The following TRPC4AP variants were observed in gnomAD, a reference collection of about 807,000 sequenced individuals.
TRPC4AP encodes the protein transient receptor potential cation channel subfamily C member 4 associated protein, also known as short transient receptor potential channel 4-associated protein.
In TRPC4AP, 45 loss-of-function variants were observed where a neutral mutation model predicts 99.0. That is an observed-to-expected ratio of 0.45 (90% CI 0.36 to 0.58). The LOEUF (loss-of-function observed/expected upper bound fraction) is 0.58, where lower values mean the gene tolerates loss of function less well. Among genes scored for constraint, TRPC4AP ranks in the 20% least tolerant of loss-of-function variants. The probability of loss-of-function intolerance (pLI) is 0.00; values close to 1 mark genes in which losing one functional copy is unlikely to be tolerated. For missense variants in TRPC4AP, 879 were observed against 985.3 expected (o/e 0.89, Z 1.44); for synonymous variants, 408 against 385.8 (o/e 1.06, Z -0.67).
At chr20:35,085,508 G>A (rs1375261655) in intron 1 of TRPC4AP, among the ~76,000 whole-genome samples, 2 of 151,678 alleles carry the variant, frequency 1.3e-5, no homozygotes, top group African/African-American at 4.8e-5. Flanking sequence ...AGATACTCGG[G>A]AGGCTGAGGT....
chr20:35,003,396 G>GT lies in TRPC4AP; in HGVS notation c.2256+13_2256+14insA. ...GCGGCCCACCCATCACCCCCTTGAG[G>GT]GTGGGGCACTCACGTTCTCTAGGCA... On this transcript the variant is annotated intron_variant, in intron 18 of 18. Coordinates refer to ENST00000252015, the MANE Select transcript of TRPC4AP (RefSeq NM_015638.3). 6.2e-7 allele frequency: 1 copy of GT among 1,613,814 alleles called. No individual in the cohort carries two copies. The highest frequency in any genetic ancestry group is 8.5e-7 in the Non-Finnish European group (1 of 1,179,910).
intron 2 of TRPC4AP, among the ~76,000 whole-genome samples, chr20:35,076,385 C>T (rs1218058291): frequency 6.6e-6 from 1 of 152,152 alleles, no homozygotes; most frequent in African/African-American, 2.4e-5. Context: ...TTCTCCCTAT[C>T]TTTGTGGTTT....
chr20:35,038,874 A>G (rs1323248342), intron 7 of TRPC4AP, among the ~76,000 whole-genome samples: 2 of 152,198 alleles, frequency 1.3e-5, no homozygotes, highest in African/African-American at 4.8e-5. Context: ...GGAGTTCAAG[A>G]CCAGCCTGGC....
At chr20:35,077,402 A>C (rs906480845) in intron 2 of TRPC4AP, among the ~76,000 whole-genome samples, 1 of 152,166 alleles carries the variant, frequency 6.6e-6, no homozygotes, top group Non-Finnish European at 1.5e-5. Flanking sequence ...CCGGACCCCC[A>C]CTTACATGGG....
At chr20:35,016,512 A>C (rs150036146) in intron 9 of TRPC4AP, among the ~76,000 whole-genome samples, 16 of 152,326 alleles carry the variant, frequency 1.1e-4, no homozygotes, top group Middle Eastern at 3.4e-3. Flanking sequence ...AAATTCCTTA[A>C]GATTTGTCTC....
At chr20:35,060,103 G>T (rs748861960) in intron 3 of TRPC4AP, among the ~76,000 whole-genome samples, 3 of 152,044 alleles carry the variant, frequency 2.0e-5, no homozygotes, top group Non-Finnish European at 4.4e-5. Flanking sequence ...TTTAAAGAAT[G>T]ATCAATTCTT....
chr20:35,004,359 G>A lies in TRPC4AP; in HGVS notation c.2049+99C>T, dbSNP rs562076379. The A allele has an allele frequency of 1.0e-5, 10 of 980,846 alleles. No homozygotes were observed. In the East Asian group the frequency reaches 1.6e-4, roughly 16 times the overall value. The allele number at this position is 980,846 out of a possible 1,614,324, so 60.8% of individuals were successfully genotyped here. On this transcript the variant is annotated intron_variant, in intron 17 of 18. Coordinates refer to ENST00000252015, the MANE Select transcript of TRPC4AP (RefSeq NM_015638.3). ...TCAGAAGAGCTGGGTCTCCAGAGAC[G>A]CACTTCTGGAGTGGGGGACAGAAAC...
chr20:35,052,249 A>C (rs544727180), intron 5 of TRPC4AP, among the ~76,000 whole-genome samples: 1 of 151,974 alleles, frequency 6.6e-6, no homozygotes, highest in East Asian at 1.9e-4. Flanking sequence ...ATGGTATATA[A>C]CACCACGTCC....
At chr20:35,022,190 C>G (rs1276493349) in intron 8 of TRPC4AP, among the ~76,000 whole-genome samples, 3 of 152,226 alleles carry the variant, frequency 2.0e-5, no homozygotes, top group African/African-American at 7.2e-5. Flanking sequence ...GAGTCTTGCT[C>G]TGTCACCCAG....
chr20:35,039,759 C>T (rs2083406063), intron 7 of TRPC4AP, among the ~76,000 whole-genome samples: 1 of 152,002 alleles, frequency 6.6e-6, no homozygotes, highest in Admixed American at 6.6e-5. Context: ...TACTTTCCCC[C>T]AGAAGGAAAC....
At chr20:35,018,627 GA>G (rs2082812496) in intron 9 of TRPC4AP, among the ~76,000 whole-genome samples, 1 of 106,844 alleles carries the variant, frequency 9.4e-6, no homozygotes, top group African/African-American at 3.7e-5. Flanking sequence ...AAAAAAAAAA[GA>G]AAGAAAGAAA....
At chr20:35,049,668 T>C (rs1363849242) in intron 6 of TRPC4AP, among the ~76,000 whole-genome samples, 198 bp downstream of exon 6, 1 of 152,218 alleles carries the variant, frequency 6.6e-6, no homozygotes, top group Non-Finnish European at 1.5e-5. Flanking sequence ...TTGATTTCAA[T>C]GTATGTCTGT....
At position 35,035,226 on chromosome 20, in the gene TRPC4AP, G is replaced by T; in HGVS notation, c.948C>A (p.Ala316=). 1 of 1,614,172 alleles carries T rather than the reference G, an allele frequency of 6.2e-7. No homozygotes were observed. The highest frequency in any genetic ancestry group is 2.2e-5 in the East Asian group (1 of 44,880). The change falls in exon 8 of 19, where the codon GCC becomes GCA. Residue 316 remains alanine, a synonymous_variant. Transcript: ENST00000252015. The part of the protein sequence containing the change: ...TRKVSESTGT[A]SFLQELEEWY... The stretch of plus-strand genomic sequence containing the variant: ...ACTCTTCCAACTCCTGAAGGAAGCT[G>T]GCTGTGCCCGTTGACTCTGACACCT...
chr20:35,025,530 G>A (rs1569097614), intron 8 of TRPC4AP, among the ~76,000 whole-genome samples: 1 of 152,216 alleles, frequency 6.6e-6, no homozygotes, highest in Non-Finnish European at 1.5e-5. Context: ...CATTTTTCAC[G>A]TGCTTAATAA....
intron 7 of TRPC4AP, among the ~76,000 whole-genome samples, chr20:35,037,127 A>T (rs1156511124): frequency 1.3e-5 from 2 of 152,156 alleles, no homozygotes; most frequent in Admixed American, 1.3e-4. Context: ...CGGGTGGATC[A>T]CAAGGTCAGG....
chr20:35,024,591 A>G (rs1359206393), intron 8 of TRPC4AP, among the ~76,000 whole-genome samples: 3 of 152,162 alleles, frequency 2.0e-5, no homozygotes, highest in Non-Finnish European at 2.9e-5. Context: ...TGGAAGACCA[A>G]GACGGGAAGA....
chr20:35,029,906 G>T (rs1393233600), intron 8 of TRPC4AP, among the ~76,000 whole-genome samples: 1 of 144,966 alleles, frequency 6.9e-6, no homozygotes, highest in Non-Finnish European at 1.5e-5. Flanking sequence ...AAAGTGCTGG[G>T]ATTACAGGCG....
intron 6 of TRPC4AP, among the ~76,000 whole-genome samples, chr20:35,046,608 T>C (rs2083566859): frequency 6.6e-6 from 1 of 152,204 alleles, no homozygotes; most frequent in African/African-American, 2.4e-5. Context: ...GCATGATTCC[T>C]AGAAGCTCTC....
rs969568156 is a variant in TRPC4AP at position 35,002,493 on chromosome 20, CCAGGCT to C, written c.*647_*652del. On this transcript the variant is annotated 3_prime_UTR_variant, in exon 19 of 19. Coordinates refer to ENST00000252015, the MANE Select transcript of TRPC4AP (RefSeq NM_015638.3). ...GGCAACACAAGGAAGGGCCCCATGT[CCAGGCT>C]CAGGCAGGAGCGGCTGCCTCAGGCA... The C allele has an allele frequency of 3.5e-6, 1 of 289,838 alleles. No individual in the cohort carries two copies. The highest frequency in any genetic ancestry group is 2.2e-5 in the African/African-American group (1 of 45,942). The allele number at this position is 289,838 out of a possible 1,614,324, so 18.0% of individuals were successfully genotyped here. A position where few individuals can be genotyped will look rare whatever the true frequency, so the allele number is the denominator to read the frequency against.
Sources: allele counts gnomAD v4.1 joint callset (sites outside exome capture counted in the v4.1 genomes callset), GRCh38; gene constraint gnomAD v4.1.1; transcripts MANE v1.5; gene names NCBI Gene and HGNC (gene_info 2026-07-23, HGNC 2026-07-21).